Variants in CALN1 observed in about 807,000 individuals in gnomAD.
The protein encoded by CALN1 is calneuron 1, also known as calcium-binding protein 8.
A neutral mutation model predicts 30.6 loss-of-function variants in CALN1; 17 were observed. The observed-to-expected ratio is 0.56, with a 90% CI of 0.38 to 0.83. The LOEUF is 0.83. CALN1 is among the 40% of genes least tolerant of loss of function. CALN1 has a pLI of 0.00. For missense variants in CALN1, 291 were observed against 354.9 expected, an observed-to-expected ratio of 0.82 and a Z score of 1.45; for synonymous variants, 156 against 131.4, an observed-to-expected ratio of 1.19 and a Z score of -1.28.
Position 72,090,461 on chromosome 7 carries a change from TTTGAGAG to T in CALN1, c.388+15683_388+15689del, listed in dbSNP as rs1390740912. 3.3e-5 allele frequency among the ~76,000 whole-genome samples: 5 copies of T among 152,132 alleles called. No individual in the cohort carries two copies. The East Asian group carries it at 9.6e-4, about 29-fold the overall frequency. ...AAAACATCAAAACCGTCTATTAAAATTTGAGAGATATTACTGAGACTTTTCTCAGTGT... is the reference window on the plus strand; with the variant it reads ...AAAACATCAAAACCGTCTATTAAAATATATTACTGAGACTTTTCTCAGTGT... On this transcript the variant is annotated intron_variant, in intron 4 of 6. Coordinates refer to ENST00000395275, the MANE Select transcript of CALN1 (RefSeq NM_031468.4).
chr7:72,187,547 T>G (rs1022872049), intron 3 of CALN1, among the ~76,000 whole-genome samples: 2 of 152,168 alleles, frequency 1.3e-5, no homozygotes, highest in Non-Finnish European at 2.9e-5. Flanking sequence ...GGTTGCGTGT[T>G]CCTTATGAGA....
chr7:71,989,499 T>C (rs967060534), intron 5 of CALN1, among the ~76,000 whole-genome samples: 1 of 150,608 alleles, frequency 6.6e-6, no homozygotes, highest in Non-Finnish European at 1.5e-5. Context: ...TTCCACTAAT[T>C]CAGCTATGTG....
At chr7:72,301,020 G>A (rs569107575) in intron 2 of CALN1, among the ~76,000 whole-genome samples, 4 of 151,964 alleles carry the variant, frequency 2.6e-5, no homozygotes, top group African/African-American at 7.2e-5. Flanking sequence ...ATGTAAATAA[G>A]CACAGAATAT....
intron 4 of CALN1, among the ~76,000 whole-genome samples, chr7:72,098,701 C>A (rs555601600): frequency 1.3e-5 from 2 of 151,646 alleles, no homozygotes; most frequent in South Asian, 2.1e-4. Flanking sequence ...CACAGTAAGA[C>A]CCTGCCTCTA....
intron 5 of CALN1, among the ~76,000 whole-genome samples, chr7:71,936,383 G>A (rs1335472650): frequency 7.0e-6 from 1 of 143,654 alleles, no homozygotes; most frequent in Non-Finnish European, 1.5e-5. Flanking sequence ...CTGGGCGACT[G>A]AGCGAGACTC....
At chr7:71,994,721 T>C (rs940796441) in intron 5 of CALN1, among the ~76,000 whole-genome samples, 1 of 152,098 alleles carries the variant, frequency 6.6e-6, no homozygotes. Context: ...TTGCCAGTTC[T>C]GTGCTGAAAT....
At chr7:71,924,472 C>T (rs949833715) in intron 5 of CALN1, among the ~76,000 whole-genome samples, 46 of 151,976 alleles carry the variant, frequency 3.0e-4, no homozygotes, top group African/African-American at 1.0e-3. Context: ...AAATAAAACA[C>T]CTATGAAATT....
intron 2 of CALN1, among the ~76,000 whole-genome samples, chr7:72,313,093 C>T (rs1355700094): frequency 6.6e-6 from 1 of 151,984 alleles, no homozygotes; most frequent in Non-Finnish European, 1.5e-5. Flanking sequence ...CCTCGGCCTC[C>T]CAAAGTGCTG....
At chr7:72,298,838 T>G (rs938004876) in intron 2 of CALN1, among the ~76,000 whole-genome samples, 1 of 151,402 alleles carries the variant, frequency 6.6e-6, no homozygotes, top group African/African-American at 2.4e-5. Flanking sequence ...GGTGCGGAGT[T>G]TCCCTGCACA....
intron 5 of CALN1, among the ~76,000 whole-genome samples, chr7:71,917,032 T>C (rs897740343): frequency 7.9e-5 from 12 of 152,272 alleles, no homozygotes; most frequent in African/African-American, 2.4e-4. Context: ...AACACCAACA[T>C]ATTTCCTCTA....
At chr7:72,320,694 G>A (rs1800811382) in intron 2 of CALN1, among the ~76,000 whole-genome samples, 1 of 151,980 alleles carries the variant, frequency 6.6e-6, no homozygotes, top group Non-Finnish European at 1.5e-5. Context: ...AATTACCCAG[G>A]CATGGTGGCA....
intron 3 of CALN1, among the ~76,000 whole-genome samples, chr7:72,136,506 C>G (rs557966492): frequency 2.9e-4 from 44 of 152,306 alleles, no homozygotes; most frequent in African/African-American, 9.4e-4. Flanking sequence ...TTCTCCATAT[C>G]AGCAATAAGG....
intron 2 of CALN1, among the ~76,000 whole-genome samples, chr7:72,310,440 A>C (rs1288937845): frequency 6.6e-6 from 1 of 150,970 alleles, no homozygotes; most frequent in Non-Finnish European, 1.5e-5. Context: ...TGCTAATATC[A>C]GTAGACAAGG....
the CALN1 span, among the ~76,000 whole-genome samples, chr7:72,469,750 A>G: frequency 6.6e-6 from 1 of 152,296 alleles, no homozygotes. Flanking sequence ...TATCTATCCT[A>G]TGCCAGTACC....
At chr7:71,999,607 TGCCTCCCAAGTTACTCTCCTGCCTCA>T (rs1480846162) in intron 5 of CALN1, among the ~76,000 whole-genome samples, 1 of 152,044 alleles carries the variant, frequency 6.6e-6, no homozygotes, top group Middle Eastern at 3.2e-3. Flanking sequence ...CTCTGCATTC[TGCCTCCCAAGTTACTCTCCTGCCTCA>T]GCCTCCCAAG....
intron 2 of CALN1, among the ~76,000 whole-genome samples, chr7:72,397,021 C>T (rs1742746350): frequency 6.6e-6 from 1 of 152,020 alleles, no homozygotes; most frequent in African/African-American, 2.4e-5. Flanking sequence ...AGCAATCCTC[C>T]CCCCTCAGCC....
Position 72,271,575 on chromosome 7 carries a change from A to AAAAAAATATATATATATAT in CALN1, c.244+7110_244+7111insATATATATATATATTTTTT. 1.7e-3 allele frequency among the ~76,000 whole-genome samples: 87 copies of AAAAAAATATATATATATAT among 52,112 alleles called. 4 individuals carry two copies. Among genetic ancestry groups the AAAAAAATATATATATATAT allele is most frequent in the African/African-American group, 8.9e-3 (66 of 7,440 alleles). 34.2% of individuals were successfully genotyped at this position (52,112 alleles called of 152,430 possible). A position where few individuals can be genotyped will look rare whatever the true frequency, so the allele number is the denominator to read the frequency against. ...CTGTGCCTGCCTTTTAAAAAAAAAA[A>AAAAAAATATATATATATAT]ATATATATATATATATATAGTTTTC... is the stretch of plus-strand genomic sequence containing the variant. On this transcript the variant is annotated intron_variant, in intron 3 of 6. Coordinates refer to ENST00000395275, the MANE Select transcript of CALN1 (RefSeq NM_031468.4).
intron 3 of CALN1, among the ~76,000 whole-genome samples, chr7:72,176,433 G>A (rs1789362720): frequency 6.6e-6 from 1 of 152,094 alleles, no homozygotes; most frequent in Admixed American, 6.5e-5. Flanking sequence ...CCTGCTTGGA[G>A]GTGTTTGGGT....
rs187683634 is a variant in CALN1, at chr7:72,395,611, A to T, written c.119+7640T>A. Among the ~76,000 whole-genome samples the T allele has an allele frequency of 1.5e-4, 23 of 152,326 alleles. No homozygotes were observed. The East Asian group carries it at 2.5e-3, about 17-fold the overall frequency. The stretch of plus-strand genomic sequence containing the variant: ...CATCTGTAACAGGCTGCATTAGAAG[A>T]ATCACAAAGGAAGTCAATGGATCCC... On this transcript the variant is annotated intron_variant, in intron 2 of 6. Transcript: ENST00000395275.
Sources: allele counts gnomAD v4.1 joint callset (sites outside exome capture counted in the v4.1 genomes callset), GRCh38; gene constraint gnomAD v4.1.1; transcripts MANE v1.5; gene names NCBI Gene and HGNC (gene_info 2026-07-23, HGNC 2026-07-21).